SLC44A1: variants seen among roughly 807,000 people sequenced by gnomAD.
SLC44A1 encodes choline transporter-like protein 1.
In SLC44A1, 26 loss-of-function variants were observed where a neutral mutation model predicts 79.3. That is an observed-to-expected ratio of 0.33 (90% CI 0.24 to 0.46). SLC44A1 has a LOEUF of 0.46. Ranked by LOEUF, SLC44A1 falls within the 20% of genes least tolerant of loss-of-function variation. The probability of loss-of-function intolerance (pLI) is 1.00; values close to 1 mark genes in which losing one functional copy is unlikely to be tolerated. For missense variants in SLC44A1, 688 were observed against 798.1 expected, an observed-to-expected ratio of 0.86 and a Z score of 1.66; for synonymous variants, 263 against 286.2, an observed-to-expected ratio of 0.92 and a Z score of 0.82.
chr9:105,415,417 T>C (rs1176550240), intron 15 of SLC44A1, among the ~76,000 whole-genome samples: 1 of 152,100 alleles, frequency 6.6e-6, no homozygotes, highest in East Asian at 1.9e-4. Context: ...TCCAGAGGAT[T>C]CTGCTGTATA....
chr9:105,371,829 C>G (rs550585471), intron 12 of SLC44A1, among the ~76,000 whole-genome samples: 4 of 151,360 alleles, frequency 2.6e-5, no homozygotes, highest in Non-Finnish European at 5.9e-5. Flanking sequence ...TTTGTGAGTA[C>G]TTAGGGAACT....
At chr9:105,345,900 A>G (rs1445249315) in intron 4 of SLC44A1, among the ~76,000 whole-genome samples, 1 of 151,840 alleles carries the variant, frequency 6.6e-6, no homozygotes, top group East Asian at 1.9e-4. Context: ...TTACTCATGT[A>G]TAACTTTTAC....
At chr9:105,356,123 C>CAT in intron 5 of SLC44A1, 89 bp from the exon 6 acceptor site, 1 of 984,438 alleles carries the variant, frequency 1.0e-6, no homozygotes, top group South Asian at 1.3e-5. Context: ...GTATTGCAGC[C>CAT]ATATTCACCT....
chr9:105,392,054 G>A lies in SLC44A1; in HGVS notation c.*2998G>A. On this transcript the variant is annotated 3_prime_UTR_variant, in exon 16 of 16. Coordinates refer to ENST00000374720, the MANE Select transcript of SLC44A1 (RefSeq NM_080546.5). ...TGGAAGAGAAAAGTTATATTTCAGT[G>A]TAAATCCAAGAGACCCATCTTCTAT... is the stretch of plus-strand genomic sequence containing the variant. 1 of 985,142 alleles carries A rather than the reference G, an allele frequency of 1.0e-6. No homozygotes were observed. Among genetic ancestry groups the A allele is most frequent in the Non-Finnish European group, 1.2e-6 (1 of 829,730 alleles). The allele number at this position is 985,142 out of a possible 1,614,324, so 61.0% of individuals were successfully genotyped here. A position where few individuals can be genotyped will look rare whatever the true frequency, so the allele number is the denominator to read the frequency against.
intron 3 of SLC44A1, among the ~76,000 whole-genome samples, chr9:105,312,283 AC>A (rs1200650112): frequency 1.3e-5 from 2 of 152,156 alleles, no homozygotes; most frequent in Non-Finnish European, 2.9e-5. Context: ...CATAAATGTC[AC>A]TTCCCAGAGA....
chr9:105,381,898 T>C (rs1828477666), intron 13 of SLC44A1, among the ~76,000 whole-genome samples: 1 of 152,198 alleles, frequency 6.6e-6, no homozygotes, highest in Non-Finnish European at 1.5e-5. Flanking sequence ...CAAAGAAGAA[T>C]TCATGGTCTG....
intron 1 of SLC44A1, among the ~76,000 whole-genome samples, chr9:105,285,434 A>T (rs1830450881): frequency 6.6e-6 from 1 of 152,240 alleles, no homozygotes; most frequent in Non-Finnish European, 1.5e-5. Context: ...TTTTCCTGTA[A>T]GAAAAAGTTA....
intron 13 of SLC44A1, among the ~76,000 whole-genome samples, chr9:105,381,548 GA>G (rs564135508): frequency 3.1e-4 from 39 of 125,108 alleles, no homozygotes; most frequent in South Asian, 7.3e-4. Flanking sequence ...ACTCTGTCTC[GA>G]AAAAAAAAAA....
chr9:105,301,334 G>T (rs1457239838), intron 2 of SLC44A1, among the ~76,000 whole-genome samples: 1 of 152,148 alleles, frequency 6.6e-6, no homozygotes, highest in Non-Finnish European at 1.5e-5. Flanking sequence ...ATATAATGTT[G>T]ATTTCAGTAT....
chr9:105,382,309 C>CA (rs541835389), intron 13 of SLC44A1, among the ~76,000 whole-genome samples: 152 of 152,206 alleles, frequency 1.0e-3, no homozygotes, highest in African/African-American at 3.4e-3. Flanking sequence ...TTAAAAACCA[C>CA]AAAAAATTTA....
intron 3 of SLC44A1, among the ~76,000 whole-genome samples, chr9:105,324,146 C>T (rs1291888069): frequency 4.6e-5 from 7 of 151,824 alleles, no homozygotes; most frequent in East Asian, 3.9e-4. Context: ...GGACTACAGG[C>T]GCCCGCCACC....
At chr9:105,362,196 G>T (rs28631110) in intron 8 of SLC44A1, among the ~76,000 whole-genome samples, 2 of 151,324 alleles carry the variant, frequency 1.3e-5, no homozygotes, top group Non-Finnish European at 2.9e-5. Flanking sequence ...TCTGAAAAAA[G>T]AAAAAAAATC....
In SLC44A1 at chr9:105,395,739, A is replaced by T; in HGVS notation, c.*6683A>T. The T allele has an allele frequency of 1.0e-6, 1 of 985,154 alleles. No homozygotes were observed. The highest frequency in any genetic ancestry group is 1.2e-6 in the Non-Finnish European group (1 of 829,686). The allele number at this position is 985,154 out of a possible 1,614,324, so 61.0% of individuals were successfully genotyped here. On this transcript the variant is annotated 3_prime_UTR_variant, in exon 16 of 16. Coordinates refer to ENST00000374720, the MANE Select transcript of SLC44A1 (RefSeq NM_080546.5). ...GGATTATAATTTGAACTGTCGTTTC[A>T]GGAGCATGTGTTAAATCATATGAGT...
chr9:105,340,354 A>G (rs1165592133), intron 4 of SLC44A1, among the ~76,000 whole-genome samples: 1 of 152,194 alleles, frequency 6.6e-6, no homozygotes, highest in Non-Finnish European at 1.5e-5. Flanking sequence ...CAGAAAGTAG[A>G]ATGATAGTTG....
intron 15 of SLC44A1, among the ~76,000 whole-genome samples, chr9:105,425,284 A>G (rs1829306352): frequency 1.3e-5 from 2 of 152,234 alleles, no homozygotes; most frequent in African/African-American, 4.8e-5. Context: ...TTTGACATAT[A>G]CATTGTTAAA....
At position 105,393,902 on chromosome 9, in the gene SLC44A1, T is replaced by C. The variant is rs1209559244; in HGVS notation, c.*4846T>C. ...TATTAATGGTCTAGTGAAGATCTAGTTGAACATGGAAACATTGTAATTTAC... is the reference window on the plus strand; with the variant it reads ...TATTAATGGTCTAGTGAAGATCTAGCTGAACATGGAAACATTGTAATTTAC... On this transcript the variant is annotated 3_prime_UTR_variant, in exon 16 of 16. Transcript: ENST00000374720. 4.1e-6 allele frequency: 4 copies of C among 984,940 alleles called. No individual in the cohort carries two copies. Among genetic ancestry groups the C allele is most frequent in the Non-Finnish European group, 2.4e-6 (2 of 829,596 alleles). 61.0% of individuals were successfully genotyped at this position (984,940 alleles called of 1,614,324 possible).
At chr9:105,434,000 A>G (rs1829432609) in intron 15 of SLC44A1, among the ~76,000 whole-genome samples, 1 of 152,212 alleles carries the variant, frequency 6.6e-6, no homozygotes, top group African/African-American at 2.4e-5. Context: ...AGAAAACTGT[A>G]AATTACTAAA....
intron 1 of SLC44A1, among the ~76,000 whole-genome samples, chr9:105,295,060 T>A (rs1202083647): frequency 1.3e-5 from 2 of 152,170 alleles, no homozygotes; most frequent in African/African-American, 4.8e-5. Flanking sequence ...GGATCCTGTC[T>A]TACAGTTCCT....
At chr9:105,321,204 G>A (rs12349416) in intron 3 of SLC44A1, among the ~76,000 whole-genome samples, 20,070 of 152,058 alleles carry the variant, frequency 0.13, 1,575 homozygotes, top group Non-Finnish European at 0.18. Flanking sequence ...TAGCGCTTAT[G>A]TTGATATATA....
Sources: gnomAD v4.1 joint callset for allele counts (sites outside exome capture counted in the v4.1 genomes callset) on GRCh38, gnomAD v4.1.1 for gene constraint, MANE v1.5 for transcripts, NCBI Gene and HGNC (gene_info 2026-07-23, HGNC 2026-07-21) for gene names.